The following KCNB2 variants were observed in gnomAD, a reference collection of about 807,000 sequenced individuals.
KCNB2 encodes the protein potassium voltage-gated channel subfamily B member 2, also known as delayed rectifier potassium channel protein.
In KCNB2, 15 loss-of-function variants were observed where a neutral mutation model predicts 61.5. That is an observed-to-expected ratio of 0.24 (90% CI 0.16 to 0.38). The LOEUF is 0.38. Among genes scored for constraint, KCNB2 ranks in the 10% least tolerant of loss-of-function variants. The pLI, the probability that KCNB2 is intolerant of heterozygous loss-of-function variation, is 1.00. For missense variants in KCNB2, 828 were observed against 1,125.2 expected (o/e 0.74, Z 3.78); for synonymous variants, 457 against 446.0 (o/e 1.02, Z -0.31).
intron 2 of KCNB2, among the ~76,000 whole-genome samples, chr8:72,737,987 A>C (rs556693769): frequency 6.6e-6 from 1 of 152,176 alleles, no homozygotes; most frequent in African/African-American, 2.4e-5. Context: ...TGCACCATGC[A>C]TGTATAATCC....
At chr8:72,752,835 A>G (rs1808216658) in intron 2 of KCNB2, among the ~76,000 whole-genome samples, 1 of 152,206 alleles carries the variant, frequency 6.6e-6, no homozygotes, top group Non-Finnish European at 1.5e-5. Flanking sequence ...AATCCTTCCA[A>G]GATATCACAC....
chr8:72,909,483 A>C (rs1010565801), intron 2 of KCNB2, among the ~76,000 whole-genome samples: 1 of 152,162 alleles, frequency 6.6e-6, no homozygotes, highest in African/African-American at 2.4e-5. Context: ...CGGCAGGACA[A>C]GATCACACAG....
chr8:72,896,737 T>C (rs1805995044), intron 2 of KCNB2, among the ~76,000 whole-genome samples: 1 of 152,170 alleles, frequency 6.6e-6, no homozygotes, highest in Admixed American at 6.6e-5. Flanking sequence ...CTGTGCTTTT[T>C]CAAAATGACT....
intron 2 of KCNB2, among the ~76,000 whole-genome samples, chr8:72,908,035 T>G (rs1002995821): frequency 6.6e-6 from 1 of 152,184 alleles, no homozygotes; most frequent in Non-Finnish European, 1.5e-5. Flanking sequence ...TGAATCATAT[T>G]GTATGCATAG....
At chr8:72,728,245 G>A (rs996656485) in intron 2 of KCNB2, among the ~76,000 whole-genome samples, 3 of 152,084 alleles carry the variant, frequency 2.0e-5, no homozygotes, top group African/African-American at 7.2e-5. Context: ...CCCATGTATT[G>A]TTGACTAAAT....
intron 2 of KCNB2, among the ~76,000 whole-genome samples, chr8:72,796,632 C>T (rs1809034096): frequency 6.6e-6 from 1 of 152,098 alleles, no homozygotes; most frequent in South Asian, 2.1e-4. Flanking sequence ...GATTAATGTA[C>T]CTATCCAATC....
At chr8:72,844,723 T>G (rs1809956812) in intron 2 of KCNB2, among the ~76,000 whole-genome samples, 1 of 152,264 alleles carries the variant, frequency 6.6e-6, no homozygotes, top group Admixed American at 6.5e-5. Flanking sequence ...TTCCGCTTAA[T>G]CAATTCGGCT....
At position 72,725,610 on chromosome 8, in the gene KCNB2, T is replaced by C. The variant is rs1160910974; in HGVS notation, c.579+157297T>C. 6.3e-4 allele frequency among the ~76,000 whole-genome samples: 90 copies of C among 143,488 alleles called. 1 individual carries two copies. The highest frequency in any genetic ancestry group is 5.4e-4 in the Non-Finnish European group (36 of 66,404). The allele number at this position is 143,488 out of a possible 152,430, so 94.1% of individuals were successfully genotyped here. Reference sequence around the variant, plus strand: ...ATGTATGTATATATATATATATATATATATATATATATGCATTCTTCTGAA... The same window carrying C: ...ATGTATGTATATATATATATATATACATATATATATATGCATTCTTCTGAA... On this transcript the variant is annotated intron_variant, in intron 2 of 2. Coordinates refer to ENST00000523207, the MANE Select transcript of KCNB2 (RefSeq NM_004770.3).
chr8:72,682,965 A>G (rs891715783), intron 2 of KCNB2, among the ~76,000 whole-genome samples: 1 of 152,206 alleles, frequency 6.6e-6, no homozygotes, highest in African/African-American at 2.4e-5. Flanking sequence ...CATTGAGATA[A>G]GATTGCTTCC....
intron 2 of KCNB2, among the ~76,000 whole-genome samples, chr8:72,590,961 CA>C (rs1240428602): frequency 1.3e-5 from 2 of 152,168 alleles, no homozygotes; most frequent in African/African-American, 2.4e-5. Context: ...TTAAATTTGA[CA>C]TTTAACAAAG....
chr8:72,753,412 C>G (rs11774394), intron 2 of KCNB2, among the ~76,000 whole-genome samples: 26,237 of 152,140 alleles, frequency 0.17, 2,503 homozygotes, highest in South Asian at 0.33. Context: ...AGTAGTGAAT[C>G]AGGCAAGCGC....
intron 2 of KCNB2, among the ~76,000 whole-genome samples, chr8:72,573,627 C>G (rs1406180395): frequency 1.3e-5 from 2 of 151,664 alleles, no homozygotes; most frequent in African/African-American, 4.9e-5. Context: ...CCACGCAGTG[C>G]TATCCTCTAC....
At chr8:72,540,022 C>T (rs537256120) in intron 1 of KCNB2, among the ~76,000 whole-genome samples, 1 of 152,246 alleles carries the variant, frequency 6.6e-6, no homozygotes, top group Admixed American at 6.5e-5. Flanking sequence ...TTTTATATAC[C>T]TGCCTGCATG....
At chr8:72,933,612 G>T (rs924463236) in intron 2 of KCNB2, among the ~76,000 whole-genome samples, 2 of 152,238 alleles carry the variant, frequency 1.3e-5, no homozygotes, top group East Asian at 3.8e-4. Context: ...TATGATAAGA[G>T]CATAGGAACG....
At chr8:72,625,023 T>C (rs1383747000) in intron 2 of KCNB2, among the ~76,000 whole-genome samples, 1 of 152,176 alleles carries the variant, frequency 6.6e-6, no homozygotes, top group African/African-American at 2.4e-5. Context: ...AAGCAGATCC[T>C]TTCCCAGTCA....
intron 2 of KCNB2, among the ~76,000 whole-genome samples, chr8:72,785,208 A>G (rs1391281436): frequency 6.6e-6 from 1 of 152,188 alleles, no homozygotes; most frequent in Non-Finnish European, 1.5e-5. Flanking sequence ...TAATTACACC[A>G]AACATTGGAT....
intron 2 of KCNB2, among the ~76,000 whole-genome samples, chr8:72,679,094 C>T (rs1326862100): frequency 6.6e-6 from 1 of 151,996 alleles, no homozygotes; most frequent in Non-Finnish European, 1.5e-5. Flanking sequence ...GAGCTATAAT[C>T]CTGACCCAAA....
chr8:72,568,512 C>T (rs1312948722), intron 2 of KCNB2, among the ~76,000 whole-genome samples, 199 bp downstream of exon 2: 1 of 152,170 alleles, frequency 6.6e-6, no homozygotes, highest in Non-Finnish European at 1.5e-5. Flanking sequence ...TGGCATTACC[C>T]TTTCATAAAT....
At chr8:72,828,631 G>A (rs1585916567) in intron 2 of KCNB2, among the ~76,000 whole-genome samples, 1 of 152,284 alleles carries the variant, frequency 6.6e-6, no homozygotes, top group South Asian at 2.1e-4. Flanking sequence ...TGAAAGGATT[G>A]AAAGATTTAT....
Sources: allele counts gnomAD v4.1 joint callset (sites outside exome capture counted in the v4.1 genomes callset), GRCh38; gene constraint gnomAD v4.1.1; transcripts MANE v1.5; gene names NCBI Gene and HGNC (gene_info 2026-07-23, HGNC 2026-07-21).